Variants in RRBP1 observed in about 807,000 individuals in gnomAD.
RRBP1 encodes ribosome binding protein 1.
In RRBP1, 94 loss-of-function variants were observed where a neutral mutation model predicts 165.2. The ratio of observed to expected loss-of-function variants is 0.57; its 90% confidence interval spans 0.48 to 0.68. RRBP1 has a LOEUF of 0.68. Among genes scored for constraint, RRBP1 ranks in the 30% least tolerant of loss-of-function variants. The pLI, the probability that RRBP1 is intolerant of heterozygous loss-of-function variation, is 0.00. For synonymous variants in RRBP1, 680 were observed against 714.5 expected (o/e 0.95, Z 0.77); for missense variants, 1,676 against 1,763.0 (o/e 0.95, Z 0.88).
At chr20:17,674,889 C>T (rs1057037169) in intron 2 of RRBP1, among the ~76,000 whole-genome samples, 1 of 152,216 alleles carries the variant, frequency 6.6e-6, no homozygotes, top group African/African-American at 2.4e-5. Flanking sequence ...GTGAGTGTGT[C>T]GTCACTGAAA....
intron 5 of RRBP1, 64 bp from the exon 6 acceptor site, chr20:17,636,793 G>C (rs2036256805): frequency 6.3e-7 from 1 of 1,591,156 alleles, no homozygotes; most frequent in Non-Finnish European, 8.6e-7. Flanking sequence ...TATCAGAAGG[G>C]AGCAAGAGCA....
intron 3 of RRBP1, among the ~76,000 whole-genome samples, chr20:17,649,049 C>T (rs77093140): frequency 0.025 from 3,753 of 152,302 alleles, 173 homozygotes; most frequent in African/African-American, 0.087. Flanking sequence ...CAGCTTCTCA[C>T]ACTGATACTT....
At chr20:17,625,360 C>A (rs993825634) in intron 12 of RRBP1, 152 bp downstream of exon 12, 1 of 676,942 alleles carries the variant, frequency 1.5e-6, no homozygotes, top group East Asian at 2.7e-5. Context: ...GAAGCACCCC[C>A]CACACCCTGG....
intron 9 of RRBP1, 114 bp downstream of exon 9, chr20:17,629,709 G>T: frequency 1.8e-6 from 2 of 1,116,062 alleles, no homozygotes; most frequent in Non-Finnish European, 2.6e-6. Context: ...GATCCGTGCT[G>T]CCCTCACCCA....
intron 8 of RRBP1, among the ~76,000 whole-genome samples, chr20:17,633,259 G>A (rs991132061): frequency 3.9e-5 from 6 of 152,198 alleles, no homozygotes; most frequent in African/African-American, 9.6e-5. Context: ...GAAAGCTCCC[G>A]CTTGATGCCA....
intron 2 of RRBP1, among the ~76,000 whole-genome samples, chr20:17,661,461 A>AT (rs1488478692): frequency 6.6e-6 from 1 of 152,224 alleles, no homozygotes. Context: ...TCCCCAAACC[A>AT]TAAGAATGAA....
At chr20:17,674,639 G>A (rs2037040797) in intron 2 of RRBP1, among the ~76,000 whole-genome samples, 1 of 151,994 alleles carries the variant, frequency 6.6e-6, no homozygotes, top group African/African-American at 2.4e-5. Context: ...GGTGGTGGGC[G>A]CCTGTAGTCC....
chr20:17,618,252 T>G (rs1001547081), intron 20 of RRBP1, among the ~76,000 whole-genome samples: 1 of 152,206 alleles, frequency 6.6e-6, no homozygotes, highest in Non-Finnish European at 1.5e-5. Context: ...GGTCTTGTGA[T>G]GCCAGGGACT....
At chr20:17,641,679 G>A (rs2036361306) in intron 5 of RRBP1, 118 bp downstream of exon 5, 5 of 1,278,910 alleles carry the variant, frequency 3.9e-6, no homozygotes, top group Non-Finnish European at 5.6e-6. Flanking sequence ...CAGCCTGACA[G>A]CCAGCTACGT....
At chr20:17,626,027 A>G (rs1387759018) in intron 11 of RRBP1, among the ~76,000 whole-genome samples, 1 of 152,226 alleles carries the variant, frequency 6.6e-6, no homozygotes, top group African/African-American at 2.4e-5. Flanking sequence ...GCCAGTGGCA[A>G]GGACACACTG....
rs200463426 is a variant in RRBP1, at chr20:17,621,512, C to T, written c.3360G>A (p.Thr1120=). 13 of 1,612,740 alleles carry T rather than the reference C, an allele frequency of 8.1e-6. No homozygotes were observed. The highest frequency in any genetic ancestry group is 1.3e-5 in the African/African-American group (1 of 74,936). The part of the protein sequence containing the change: ...LASKLREAEE[T]QSTLQAECDQ... ...CACACTCGGCCTGCAGTGTGCTCTG[C>T]GTCTCCTCGGCCTCCCTCAACTTGG... is the stretch of plus-strand genomic sequence containing the variant. Residue 1120 remains threonine, a synonymous_variant, in exon 16 of 25, where the codon ACG becomes ACA. Coordinates refer to ENST00000377813, the MANE Select transcript of RRBP1 (RefSeq NM_001365613.2).
intron 3 of RRBP1, among the ~76,000 whole-genome samples, chr20:17,657,582 A>G (rs1433058512): frequency 2.0e-5 from 3 of 152,196 alleles, no homozygotes; most frequent in Non-Finnish European, 4.4e-5. Context: ...AAAAGAAAAG[A>G]AAAGAAAGGA....
intron 5 of RRBP1, among the ~76,000 whole-genome samples, 160 bp from the exon 6 acceptor site, chr20:17,636,889 G>T (rs1322934790): frequency 6.6e-6 from 1 of 152,218 alleles, no homozygotes; most frequent in East Asian, 1.9e-4. Context: ...GCTGCAGTGG[G>T]AACGACGACA....
chr20:17,655,067 G>A (rs1177877052), intron 3 of RRBP1, among the ~76,000 whole-genome samples: 1 of 152,212 alleles, frequency 6.6e-6, no homozygotes, highest in Admixed American at 6.5e-5. Context: ...TGCTTCATCA[G>A]TTCGTTGGAA....
At chr20:17,653,833 C>CAAA (rs1299830911) in intron 3 of RRBP1, among the ~76,000 whole-genome samples, 42 of 75,568 alleles carry the variant, frequency 5.6e-4, no homozygotes, top group East Asian at 1.1e-3. Context: ...GACTCCATCT[C>CAAA]AAAAAAAAAA....
intron 3 of RRBP1, among the ~76,000 whole-genome samples, chr20:17,650,537 C>T (rs1029563053): frequency 1.3e-5 from 2 of 152,216 alleles, no homozygotes; most frequent in Non-Finnish European, 2.9e-5. Flanking sequence ...GAGCTCCAGA[C>T]TCCCCAAGAG....
At position 17,659,585 on chromosome 20, in the gene RRBP1, T is replaced by G. The variant is rs749045163; in HGVS notation, c.923A>C (p.Gln308Pro). Reference sequence around the variant, plus strand: ...CTGGGCCCCCTCTGCCTTTTTGCCCTGGTTCTGGGCCCCTTCTACCTTTTT... The same window carrying G: ...CTGGGCCCCCTCTGCCTTTTTGCCCGGGTTCTGGGCCCCTTCTACCTTTTT... ...QAKKVEGAQNQGKKAEGAQNQ... is the reference protein window; with the variant it reads ...QAKKVEGAQNPGKKAEGAQNQ... The change falls in exon 3 of 25, where the codon CAG (glutamine) becomes CCG (proline). Residue 308 changes from glutamine (Q) to proline (P), a missense_variant. Physicochemically the swap from Gln to Pro is moderately conservative, Grantham distance 76. This residue lies in a region of RRBP1 where 392 missense variants were observed against 382.5 expected (regional missense o/e 1.02). Coordinates refer to ENST00000377813, the MANE Select transcript of RRBP1 (RefSeq NM_001365613.2). The G allele has an allele frequency of 9.7e-6, 15 of 1,550,142 alleles. No individual in the cohort carries two copies. Among genetic ancestry groups the G allele is most frequent in the Middle Eastern group, 1.7e-4 (1 of 6,014 alleles).
intron 2 of RRBP1, among the ~76,000 whole-genome samples, chr20:17,662,625 C>A (rs148699385): frequency 6.6e-6 from 1 of 152,152 alleles, no homozygotes; most frequent in Non-Finnish European, 1.5e-5. Flanking sequence ...GGCACTCTCA[C>A]GTTTGATCAT....
intron 20 of RRBP1, among the ~76,000 whole-genome samples, chr20:17,617,621 C>T (rs1372109069): frequency 6.6e-6 from 1 of 152,238 alleles, no homozygotes; most frequent in Non-Finnish European, 1.5e-5. Flanking sequence ...GCCTGTCACC[C>T]AGACTTCGCT....
Sources: allele counts gnomAD v4.1 joint callset (sites outside exome capture counted in the v4.1 genomes callset), GRCh38; gene constraint gnomAD v4.1.1; regional missense constraint gnomAD v4.1.1; transcripts MANE v1.5; gene names NCBI Gene and HGNC (gene_info 2026-07-23, HGNC 2026-07-21).